LRMDA: variants seen among roughly 807,000 people sequenced by gnomAD.
LRMDA encodes leucine-rich melanocyte differentiation-associated protein.
Under a neutral mutation model 29.8 loss-of-function variants are expected in LRMDA, and 18 were observed. That is an observed-to-expected ratio of 0.60 (90% CI 0.42 to 0.90). LRMDA has a LOEUF of 0.90. Among genes scored for constraint, LRMDA ranks in the 40% least tolerant of loss-of-function variants. LRMDA has a pLI of 0.00. For synonymous variants in LRMDA, 125 were observed against 109.4 expected (o/e 1.14, Z -0.89); for missense variants, 273 against 273.9 (o/e 1.00, Z 0.02).
intron 6 of LRMDA, among the ~76,000 whole-genome samples, chr10:76,456,704 T>C (rs969695005): frequency 6.6e-6 from 1 of 150,538 alleles, no homozygotes; most frequent in Non-Finnish European, 1.5e-5. Flanking sequence ...GAGATGCAGA[T>C]TTGAGATCTT....
rs569667661 is a variant in LRMDA at position 76,278,450 on chromosome 10, A to G, written c.517-45951A>G. 3.9e-5 allele frequency among the ~76,000 whole-genome samples: 6 copies of G among 152,286 alleles called. No homozygotes were observed. The East Asian group carries it at 9.7e-4, about 24-fold the overall frequency. ...GATATTATCATCACTCATGTCCCCT[A>G]TGCTGCTAATCGTCAGTGGATCAGC... On this transcript the variant is annotated intron_variant, in intron 5 of 6. Coordinates refer to ENST00000611255, the MANE Select transcript of LRMDA (RefSeq NM_001305581.2).
chr10:76,324,908 C>T (rs141409538), intron 6 of LRMDA, among the ~76,000 whole-genome samples: 1 of 152,208 alleles, frequency 6.6e-6, no homozygotes, highest in East Asian at 1.9e-4. Flanking sequence ...AAAAGGAATT[C>T]CAATTTGCCT....
intron 6 of LRMDA, among the ~76,000 whole-genome samples, chr10:76,353,783 T>A (rs1472868886): frequency 6.6e-6 from 1 of 152,174 alleles, no homozygotes; most frequent in Non-Finnish European, 1.5e-5. Flanking sequence ...CCAACTAGGC[T>A]GATTTATGGA....
chr10:75,995,689 A>G (rs1045212345), intron 2 of LRMDA, among the ~76,000 whole-genome samples: 1 of 152,210 alleles, frequency 6.6e-6, no homozygotes, highest in African/African-American at 2.4e-5. Flanking sequence ...ATGCTATCTC[A>G]ATATTAGACA....
intron 6 of LRMDA, among the ~76,000 whole-genome samples, chr10:76,532,731 A>C (rs1261820563): frequency 6.6e-6 from 1 of 152,226 alleles, no homozygotes; most frequent in Admixed American, 6.5e-5. Flanking sequence ...GAGTCTTGTC[A>C]TGTGAATCAT....
chr10:76,377,748 T>G (rs1354882983), intron 6 of LRMDA, among the ~76,000 whole-genome samples: 1 of 152,240 alleles, frequency 6.6e-6, no homozygotes, highest in East Asian at 1.9e-4. Context: ...TGTCTATTTT[T>G]ATACCAATAT....
chr10:76,540,975 T>A (rs908042268), intron 6 of LRMDA, among the ~76,000 whole-genome samples: 1 of 152,206 alleles, frequency 6.6e-6, no homozygotes, highest in African/African-American at 2.4e-5. Context: ...TTCTTGCTGC[T>A]ATGAAATGAG....
intron 5 of LRMDA, among the ~76,000 whole-genome samples, chr10:76,192,433 C>T (rs1012196140): frequency 2.0e-5 from 3 of 152,206 alleles, no homozygotes; most frequent in African/African-American, 4.8e-5. Flanking sequence ...AGGCCTGCGA[C>T]TAGTCAACAT....
intron 2 of LRMDA, among the ~76,000 whole-genome samples, chr10:75,663,641 A>T (rs1159484078): frequency 6.6e-6 from 1 of 152,150 alleles, no homozygotes; most frequent in Non-Finnish European, 1.5e-5. Context: ...GAGAAGGGTT[A>T]TCTGTAGCAC....
chr10:76,067,612 G>C (rs1034003564), intron 5 of LRMDA, among the ~76,000 whole-genome samples: 9 of 152,130 alleles, frequency 5.9e-5, no homozygotes, highest in Admixed American at 3.9e-4. Flanking sequence ...TTCAGCTATG[G>C]GTGCATGGGT....
In LRMDA at chr10:75,559,499, G is replaced by C. The variant is rs1329567508; in HGVS notation, c.131+121005G>C. Among the ~76,000 whole-genome samples, 4 of 151,412 alleles carry C rather than the reference G, an allele frequency of 2.6e-5. No homozygotes were observed. In the East Asian group the frequency reaches 7.8e-4, roughly 30 times the overall value. ...TTGTAGGTTGCCTGTTCACTCTGATGGTAGTTTGTTTTGCTGTGCAGAAGC... is the reference window on the plus strand; with the variant it reads ...TTGTAGGTTGCCTGTTCACTCTGATCGTAGTTTGTTTTGCTGTGCAGAAGC... On this transcript the variant is annotated intron_variant, in intron 2 of 6. Transcript: ENST00000611255.
intron 2 of LRMDA, among the ~76,000 whole-genome samples, chr10:75,884,347 G>C (rs533649550): frequency 2.8e-4 from 41 of 148,266 alleles, no homozygotes; most frequent in Non-Finnish European, 2.5e-4. Flanking sequence ...ATTTAATTAA[G>C]GTCTAAACTG....
chr10:75,888,283 C>T (rs543569664), intron 2 of LRMDA, among the ~76,000 whole-genome samples: 4 of 152,142 alleles, frequency 2.6e-5, no homozygotes, highest in African/African-American at 4.8e-5. Context: ...ACACTCTCCG[C>T]GTATGATGAG....
intron 2 of LRMDA, among the ~76,000 whole-genome samples, chr10:75,498,190 A>G (rs1369978221): frequency 6.6e-6 from 1 of 152,114 alleles, no homozygotes; most frequent in East Asian, 1.9e-4. Context: ...GTCCCCTTTG[A>G]TCTCAGAGGC....
chr10:75,452,100 G>A (rs1042593697), intron 2 of LRMDA, among the ~76,000 whole-genome samples: 2 of 152,140 alleles, frequency 1.3e-5, no homozygotes, highest in Admixed American at 6.5e-5. Flanking sequence ...AGGAAGGGAC[G>A]GAGGAAAGAA....
chr10:76,202,929 G>A (rs893787363), intron 5 of LRMDA, among the ~76,000 whole-genome samples: 1 of 152,116 alleles, frequency 6.6e-6, no homozygotes, highest in Non-Finnish European at 1.5e-5. Context: ...AACACTAAAT[G>A]GCAAGGCATT....
At chr10:76,518,640 A>G (rs900379857) in intron 6 of LRMDA, among the ~76,000 whole-genome samples, 30 of 152,196 alleles carry the variant, frequency 2.0e-4, no homozygotes, top group Admixed American at 1.8e-3. Flanking sequence ...GAGATGTTAA[A>G]TATGAAAAAA....
chr10:75,891,907 G>T (rs1003567356), intron 2 of LRMDA, among the ~76,000 whole-genome samples: 1 of 152,174 alleles, frequency 6.6e-6, no homozygotes, highest in Non-Finnish European at 1.5e-5. Flanking sequence ...CATCCAAATG[G>T]AGATGTCAAG....
At chr10:76,539,091 T>C (rs1305773618) in intron 6 of LRMDA, among the ~76,000 whole-genome samples, 1 of 152,174 alleles carries the variant, frequency 6.6e-6, no homozygotes, top group Non-Finnish European at 1.5e-5. Context: ...AACATCCTAA[T>C]ATGTATTAAC....
Sources: gnomAD v4.1 joint callset for allele counts (sites outside exome capture counted in the v4.1 genomes callset) on GRCh38, gnomAD v4.1.1 for gene constraint, MANE v1.5 for transcripts, NCBI Gene and HGNC (gene_info 2026-07-23, HGNC 2026-07-21) for gene names.